The following LRRC37A2 variants were observed in gnomAD, a reference collection of about 807,000 sequenced individuals.
LRRC37A2 encodes leucine rich repeat containing 37 member A2.
In LRRC37A2, 9 loss-of-function variants were observed where a neutral mutation model predicts 68.8. That is an observed-to-expected ratio of 0.13 (90% CI 0.08 to 0.23). The LOEUF (loss-of-function observed/expected upper bound fraction) is 0.23. Among genes scored for constraint, LRRC37A2 ranks in the 10% least tolerant of loss-of-function variants. The pLI is 1.00. For synonymous variants in LRRC37A2, 63 were observed against 367.6 expected (o/e 0.17, Z 9.48); for missense variants, 168 against 950.4 (o/e 0.18, Z 10.82).
the LRRC37A2 span, among the ~76,000 whole-genome samples, chr17:47,000,038 TAAAA>T: frequency 5.3e-3 from 127 of 23,856 alleles, 14 homozygotes; most frequent in East Asian, 0.053. Context: ...TAAAATAAAA[TAAAA>T]TAAAATAAAA....
chr17:46,671,617 C>G, the LRRC37A2 span, among the ~76,000 whole-genome samples: 5 of 51,752 alleles, frequency 9.7e-5, no homozygotes, highest in African/African-American at 3.0e-4. Flanking sequence ...CAGACTAGAG[C>G]TTCTATTACA....
At chr17:46,737,866 A>G in the LRRC37A2 span, among the ~76,000 whole-genome samples, 1 of 151,864 alleles carries the variant, frequency 6.6e-6, no homozygotes, top group Non-Finnish European at 1.5e-5. Flanking sequence ...CGCTGCAGCA[A>G]TGGAGAGAGA....
chr17:46,771,494 G>T, the LRRC37A2 span, among the ~76,000 whole-genome samples: 1 of 149,406 alleles, frequency 6.7e-6, no homozygotes, highest in Non-Finnish European at 1.5e-5. Flanking sequence ...CCGGGAACGC[G>T]GGGGCGGCGG....
At chr17:46,625,880 A>T in the LRRC37A2 span, among the ~76,000 whole-genome samples, 2 of 60,632 alleles carry the variant, frequency 3.3e-5, no homozygotes, top group Admixed American at 2.0e-4. Flanking sequence ...CACATGTATT[A>T]AAAAAAAAAA....
the LRRC37A2 span, among the ~76,000 whole-genome samples, chr17:46,871,231 A>G: frequency 6.6e-6 from 1 of 152,218 alleles, no homozygotes; most frequent in East Asian, 1.9e-4. Context: ...TACCCTGGCT[A>G]TGAGGCCAGG....
chr17:46,521,350 C>T (rs1400670383), intron 4 of LRRC37A2, among the ~76,000 whole-genome samples: 1 of 51,460 alleles, frequency 1.9e-5, no homozygotes, highest in East Asian at 2.8e-4. Context: ...CAGGTGGATG[C>T]CAAAGTGCTA....
At chr17:46,748,427 TA>T in the LRRC37A2 span, among the ~76,000 whole-genome samples, 1 of 152,190 alleles carries the variant, frequency 6.6e-6, no homozygotes, top group East Asian at 1.9e-4. Context: ...CCTTATTTTT[TA>T]CAACTAGCCA....
At chr17:46,602,755 G>A in the LRRC37A2 span, among the ~76,000 whole-genome samples, 45 of 147,720 alleles carry the variant, frequency 3.0e-4, 6 homozygotes, top group African/African-American at 1.0e-3. Flanking sequence ...TAATTATCCT[G>A]ACTATTTTTC....
chr17:46,969,963 A>G, the LRRC37A2 span, among the ~76,000 whole-genome samples: 161 of 152,162 alleles, frequency 1.1e-3, no homozygotes, highest in African/African-American at 3.7e-3. Flanking sequence ...GGAACAAAAA[A>G]CACAGGCTGT....
the LRRC37A2 span, among the ~76,000 whole-genome samples, chr17:46,866,811 T>G: frequency 6.6e-6 from 1 of 152,252 alleles, no homozygotes; most frequent in East Asian, 1.9e-4. Flanking sequence ...ATCCTGGGGA[T>G]AGCCTCTGCT....
chr17:46,495,953 ATTGT>A, the LRRC37A2 span, among the ~76,000 whole-genome samples: 42 of 104,532 alleles, frequency 4.0e-4, no homozygotes, highest in African/African-American at 1.0e-3. Context: ...GGCCTGAAAC[ATTGT>A]TTGTTTAGGT....
At chr17:46,981,956 C>T in the LRRC37A2 span, among the ~76,000 whole-genome samples, 1 of 152,158 alleles carries the variant, frequency 6.6e-6, no homozygotes, top group Non-Finnish European at 1.5e-5. Context: ...CCACCTCAGT[C>T]TCCCAAAGTG....
chr17:46,488,597 C>T, the LRRC37A2 span, among the ~76,000 whole-genome samples: 1 of 96,556 alleles, frequency 1.0e-5, no homozygotes, highest in East Asian at 2.7e-4. Context: ...CCCAGCTACT[C>T]ACGAGGCTGA....
the LRRC37A2 span, among the ~76,000 whole-genome samples, chr17:46,775,402 C>T: frequency 1.3e-5 from 2 of 152,086 alleles, no homozygotes; most frequent in African/African-American, 2.4e-5. Flanking sequence ...CCCTGGGCAC[C>T]GTGCAGGGGC....
chr17:46,861,799 G>T, the LRRC37A2 span, among the ~76,000 whole-genome samples: 1 of 152,204 alleles, frequency 6.6e-6, no homozygotes, highest in Admixed American at 6.5e-5. Context: ...AAGACCAAAG[G>T]GTTTGTTTTT....
the LRRC37A2 span, among the ~76,000 whole-genome samples, chr17:46,748,799 GTACCTGGTAAAC>G: frequency 6.6e-6 from 1 of 152,184 alleles, no homozygotes. Context: ...CTTGTGATAA[GTACCTGGTAAAC>G]TAAGCAAAGG....
the LRRC37A2 span, among the ~76,000 whole-genome samples, chr17:47,040,027 A>G: frequency 1.6e-4 from 25 of 151,896 alleles, no homozygotes; most frequent in African/African-American, 5.6e-4. Context: ...TATGGTTTCT[A>G]TCTCTTTATT....
At chr17:46,969,044 G>A in the LRRC37A2 span, 3 of 152,720 alleles carry the variant, frequency 2.0e-5, no homozygotes, top group African/African-American at 7.2e-5. Context: ...TCCGTACTGA[G>A]CTTCTCATGC....
At chr17:46,938,950 G>C in the LRRC37A2 span, 1 of 1,488,480 alleles carries the variant, frequency 6.7e-7, no homozygotes. Context: ...GGGGGAGCTA[G>C]TGCCACCACC....
Sources: gnomAD v4.1 joint callset for allele counts (sites outside exome capture counted in the v4.1 genomes callset) on GRCh38, gnomAD v4.1.1 for gene constraint, MANE v1.5 for transcripts, NCBI Gene and HGNC (gene_info 2026-07-23, HGNC 2026-07-21) for gene names.